IFT80: variants seen among roughly 807,000 people sequenced by gnomAD.
The protein encoded by IFT80 is intraflagellar transport 80, also known as intraflagellar transport protein 80 homolog.
A neutral mutation model predicts 107.9 loss-of-function variants in IFT80; 79 were observed. The ratio of observed to expected loss-of-function variants is 0.73; its 90% CI spans 0.61 to 0.88. The LOEUF (loss-of-function observed/expected upper bound fraction) is 0.88. Among genes scored for constraint, IFT80 ranks in the 40% least tolerant of loss-of-function variants. The pLI is 0.00. For missense variants in IFT80, 797 were observed against 914.2 expected (o/e 0.87, Z 1.65); for synonymous variants, 299 against 300.9 (o/e 0.99, Z 0.07).
chr3:160,285,757 T>C, intron 13 of IFT80, 47 bp downstream of exon 13: 4 of 1,178,150 alleles, frequency 3.4e-6, no homozygotes, highest in Non-Finnish European at 5.0e-6. Flanking sequence ...GAAAAGGAAA[T>C]AAATAAATAG....
intron 18 of IFT80, among the ~76,000 whole-genome samples, chr3:160,274,204 C>T (rs1289325063): frequency 1.3e-5 from 2 of 152,128 alleles, no homozygotes; most frequent in African/African-American, 4.8e-5. Context: ...GCAAAAAGGA[C>T]ACCAACTCCA....
intron 5 of IFT80, among the ~76,000 whole-genome samples, chr3:160,375,581 A>G (rs1446374804): frequency 6.6e-6 from 1 of 152,122 alleles, no homozygotes; most frequent in African/African-American, 2.4e-5. Context: ...TAACATAAAA[A>G]AAAGCCCTTG....
At chr3:160,347,494 T>C (rs944195136) in intron 8 of IFT80, among the ~76,000 whole-genome samples, 7 of 152,194 alleles carry the variant, frequency 4.6e-5, no homozygotes, top group Non-Finnish European at 7.3e-5. Context: ...TTATTGCATC[T>C]GTATAACTGA....
chr3:160,298,370 A>T (rs965571986), intron 12 of IFT80, among the ~76,000 whole-genome samples: 2 of 152,172 alleles, frequency 1.3e-5, no homozygotes, highest in East Asian at 3.8e-4. Context: ...AAGTTCTACA[A>T]TAATTTTATT....
At chr3:160,305,866 G>A (rs1716796467) in intron 10 of IFT80, among the ~76,000 whole-genome samples, 1 of 152,068 alleles carries the variant, frequency 6.6e-6, no homozygotes, top group African/African-American at 2.4e-5. Flanking sequence ...TCAATAATCT[G>A]ATGTAAGGTA....
intron 8 of IFT80, among the ~76,000 whole-genome samples, chr3:160,337,693 T>C (rs1460230528): frequency 6.6e-6 from 1 of 152,216 alleles, no homozygotes; most frequent in Non-Finnish European, 1.5e-5. Context: ...GAGTATCCTA[T>C]ATTAACCTAT....
chr3:160,366,196 T>C lies in IFT80; in HGVS notation c.440-44A>G, dbSNP rs1419614732. 7.7e-6 allele frequency: 10 copies of C among 1,302,704 alleles called. No homozygotes were observed. The African/African-American group carries it at 1.3e-4, about 17-fold the overall frequency. The allele number at this position is 1,302,704 out of a possible 1,614,324, so 80.7% of individuals were successfully genotyped here. ...AAAAAAAAAGGCTGATAAACTTTAA[T>C]TATTATGCCTTATAAAAAGAGAGAT... On this transcript the variant is annotated intron_variant, in intron 5 of 19. Coordinates refer to ENST00000326448, the MANE Select transcript of IFT80 (RefSeq NM_020800.3).
intron 8 of IFT80, among the ~76,000 whole-genome samples, chr3:160,347,012 C>T (rs1008864107): frequency 2.0e-5 from 3 of 152,062 alleles, no homozygotes; most frequent in East Asian, 3.9e-4. Flanking sequence ...ATTTCTAAGG[C>T]GTCAAAACAA....
chr3:160,273,329 C>A (rs1309876564), intron 18 of IFT80, among the ~76,000 whole-genome samples: 2 of 152,082 alleles, frequency 1.3e-5, no homozygotes, highest in South Asian at 2.1e-4. Flanking sequence ...AGTGATACGA[C>A]CAGATTTCCA....
chr3:160,312,791 TATATA>T (rs1285199287), intron 9 of IFT80, among the ~76,000 whole-genome samples: 37 of 47,676 alleles, frequency 7.8e-4, no homozygotes, highest in Non-Finnish European at 1.1e-3. Flanking sequence ...ATATAATATA[TATATA>T]ATAAATGTAT....
intron 5 of IFT80, among the ~76,000 whole-genome samples, chr3:160,375,535 A>T (rs1313023052): frequency 6.6e-6 from 1 of 152,098 alleles, no homozygotes; most frequent in African/African-American, 2.4e-5. Flanking sequence ...ATTTTTTGAA[A>T]ATATTTAGCT....
chr3:160,263,865 C>T (rs566950942), intron 19 of IFT80, among the ~76,000 whole-genome samples: 39 of 152,020 alleles, frequency 2.6e-4, no homozygotes, highest in African/African-American at 7.2e-4. Context: ...TTACTAGAGA[C>T]GGGGTTTCAC....
At chr3:160,377,382 T>A in intron 4 of IFT80, 48 bp downstream of exon 4, 1 of 1,118,512 alleles carries the variant, frequency 8.9e-7, no homozygotes, top group African/African-American at 1.5e-5. Flanking sequence ...CTTTGGAAAT[T>A]TTTCTTTAAA....
chr3:160,344,150 C>T (rs182963635), intron 8 of IFT80, among the ~76,000 whole-genome samples: 156 of 152,258 alleles, frequency 1.0e-3, no homozygotes, highest in African/African-American at 3.7e-3. Flanking sequence ...AAACTCATTG[C>T]TAAAGAGACA....
chr3:160,261,503 G>A (rs539045291), intron 19 of IFT80, among the ~76,000 whole-genome samples: 11 of 148,266 alleles, frequency 7.4e-5, no homozygotes, highest in Admixed American at 2.0e-4. Flanking sequence ...AGAGAAGGGA[G>A]ATAGTGAGCA....
intron 13 of IFT80, among the ~76,000 whole-genome samples, chr3:160,285,085 TC>T (rs1383308414): frequency 6.6e-6 from 1 of 152,138 alleles, no homozygotes; most frequent in Non-Finnish European, 1.5e-5. Flanking sequence ...ACATCTGTAA[TC>T]CTAGAACTTT....
intron 18 of IFT80, among the ~76,000 whole-genome samples, chr3:160,269,683 A>T (rs1253299543): frequency 6.6e-6 from 1 of 152,184 alleles, no homozygotes; most frequent in Non-Finnish European, 1.5e-5. Context: ...TTTGGACAGC[A>T]CCTCAGCCAC....
rs1017570023 is a variant in IFT80, at chr3:160,261,695, G to A, written c.2224-3060C>T. Among the ~76,000 whole-genome samples the A allele has an allele frequency of 2.0e-5, 3 of 150,574 alleles. No individual in the cohort carries two copies. In the East Asian group the frequency reaches 5.8e-4, roughly 29 times the overall value. On this transcript the variant is annotated intron_variant, in intron 19 of 19. Coordinates refer to ENST00000326448, the MANE Select transcript of IFT80 (RefSeq NM_020800.3). Reference sequence around the variant, plus strand: ...ATTCATCTCTAGTCCCATCTACTTAGAGGGCTCAGGTGAAAGGATCGCTTG... The same window carrying A: ...ATTCATCTCTAGTCCCATCTACTTAAAGGGCTCAGGTGAAAGGATCGCTTG...
At chr3:160,386,561 G>A (rs1183153679) in intron 1 of IFT80, among the ~76,000 whole-genome samples, 2 of 152,066 alleles carry the variant, frequency 1.3e-5, no homozygotes, top group East Asian at 3.9e-4. Flanking sequence ...GTCCAGTGTG[G>A]GTCAACATTT....
Sources: gnomAD v4.1 joint callset for allele counts (sites outside exome capture counted in the v4.1 genomes callset) on GRCh38, gnomAD v4.1.1 for gene constraint, MANE v1.5 for transcripts, NCBI Gene and HGNC (gene_info 2026-07-23, HGNC 2026-07-21) for gene names.